Variants in ASPH observed in about 807,000 individuals in gnomAD.
ASPH encodes the protein aspartate beta-hydroxylase.
A neutral mutation model predicts 118.4 loss-of-function variants in ASPH; 100 were observed. That is an observed-to-expected ratio of 0.84 (90% confidence interval 0.72 to 1.00). The LOEUF (loss-of-function observed/expected upper bound fraction) is 1.00. ASPH is among the 50% of genes least tolerant of loss of function. The pLI is 0.00. For missense variants in ASPH, 920 were observed against 919.5 expected, an observed-to-expected ratio of 1.00 and a Z score of -0.01; for synonymous variants, 315 against 325.6, an observed-to-expected ratio of 0.97 and a Z score of 0.35.
At chr8:61,615,829 A>G (rs1848825270) in intron 14 of ASPH, among the ~76,000 whole-genome samples, 2 of 152,224 alleles carry the variant, frequency 1.3e-5, no homozygotes, top group South Asian at 2.1e-4. Flanking sequence ...TTATGAAACT[A>G]AAGTCTGATG....
chr8:61,572,550 AC>A (rs1833766145), intron 16 of ASPH, among the ~76,000 whole-genome samples: 1 of 152,134 alleles, frequency 6.6e-6, no homozygotes, highest in African/African-American at 2.4e-5. Context: ...AGCTGGCCGA[AC>A]CAAAAACTCA....
chr8:61,616,174 T>G (rs1160649017), intron 14 of ASPH, among the ~76,000 whole-genome samples: 1 of 152,148 alleles, frequency 6.6e-6, no homozygotes, highest in African/African-American at 2.4e-5. Context: ...GTTGCAATGA[T>G]TTTCTTTGCA....
chr8:61,504,645 C>T (rs1030258040), intron 24 of ASPH, among the ~76,000 whole-genome samples: 4 of 152,084 alleles, frequency 2.6e-5, no homozygotes, highest in Non-Finnish European at 4.4e-5. Context: ...AGATATTTAG[C>T]GGCACCCCTG....
In ASPH at chr8:61,621,574, T is replaced by C. The variant is rs77460154; in HGVS notation, c.935-2555A>G. Among the ~76,000 whole-genome samples, 377 of 152,332 alleles carry C rather than the reference T, an allele frequency of 2.5e-3. 2 individuals are homozygous for C. The highest frequency in any genetic ancestry group is 8.5e-3 in the African/African-American group (354 of 41,580). ...AGGAAAATGACTTGAGCACGTATTATATACAGGCATTGTTCTAAGCACTTA... is the reference window on the plus strand; with the variant it reads ...AGGAAAATGACTTGAGCACGTATTACATACAGGCATTGTTCTAAGCACTTA... On this transcript the variant is annotated intron_variant, in intron 13 of 24. Coordinates refer to ENST00000379454, the MANE Select transcript of ASPH (RefSeq NM_004318.4).
In ASPH at chr8:61,714,460, G is replaced by C; in HGVS notation, c.-89C>G. ...CGACGCGGGAACCGCTGGCGGCGGC[G>C]GGCCGCTGGAGCGGGTTCGGGCCGC... is the stretch of plus-strand genomic sequence containing the variant. On this transcript the variant is annotated 5_prime_UTR_variant, in exon 1 of 25. Transcript: ENST00000379454. 7.3e-7 allele frequency: 1 copy of C among 1,363,712 alleles called. No homozygotes were observed. The highest frequency in any genetic ancestry group is 9.4e-7 in the Non-Finnish European group (1 of 1,059,618). The allele number at this position is 1,363,712 out of a possible 1,614,324, so 84.5% of individuals were successfully genotyped here.
At chr8:61,582,501 TAA>T in intron 15 of ASPH, among the ~76,000 whole-genome samples, 1 of 152,358 alleles carries the variant, frequency 6.6e-6, no homozygotes, top group South Asian at 2.1e-4. Flanking sequence ...TTCATAAAGT[TAA>T]ACAAGACAGT....
chr8:61,674,667 T>G (rs1824363234), intron 3 of ASPH, among the ~76,000 whole-genome samples: 1 of 152,210 alleles, frequency 6.6e-6, no homozygotes, highest in Admixed American at 6.5e-5. Flanking sequence ...GACTTGAGGC[T>G]GCTACTTTCA....
chr8:61,646,391 T>C lies in ASPH; in HGVS notation c.619+359A>G, dbSNP rs1808005820. 2.6e-5 allele frequency among the ~76,000 whole-genome samples: 4 copies of C among 152,186 alleles called. No individual in the cohort carries two copies. The South Asian group carries it at 8.3e-4, about 31-fold the overall frequency. ...TGTTTTGCTCACTGTAATTACAGAG[T>C]TCATGTGTGAACATGAGCCTGTGAT... On this transcript the variant is annotated intron_variant, in intron 6 of 24. Transcript: ENST00000379454.
At chr8:61,579,584 C>A in intron 15 of ASPH, 1 of 1,522,070 alleles carries the variant, frequency 6.6e-7, no homozygotes, top group Non-Finnish European at 9.0e-7. Flanking sequence ...TCAGCCGCAC[C>A]AGTTCCTCCA....
chr8:61,679,470 T>C (rs1177312307), intron 3 of ASPH, among the ~76,000 whole-genome samples: 1 of 152,106 alleles, frequency 6.6e-6, no homozygotes, highest in Non-Finnish European at 1.5e-5. Flanking sequence ...AATAGTTTGC[T>C]ATAGAAATCA....
chr8:61,656,037 C>A (rs1813498506), intron 3 of ASPH: 1 of 152,086 alleles, frequency 6.6e-6, no homozygotes, highest in Non-Finnish European at 1.5e-5. Flanking sequence ...TTTTGCCACC[C>A]AAGCTCATTT....
intron 24 of ASPH, among the ~76,000 whole-genome samples, chr8:61,510,051 C>T (rs542781866): frequency 3.0e-4 from 45 of 152,252 alleles, no homozygotes; most frequent in African/African-American, 7.2e-4. Flanking sequence ...CTCCCTGGAA[C>T]GTAAGGACAG....
intron 22 of ASPH, among the ~76,000 whole-genome samples, chr8:61,524,629 T>C (rs912665482): frequency 1.4e-4 from 22 of 152,236 alleles, no homozygotes; most frequent in Non-Finnish European, 2.5e-4. Flanking sequence ...ATATTCCACC[T>C]ATGTGAAAAT....
chr8:61,555,282 ATTT>A (rs1245511543), intron 19 of ASPH, among the ~76,000 whole-genome samples: 2 of 151,824 alleles, frequency 1.3e-5, no homozygotes, highest in Non-Finnish European at 2.9e-5. Flanking sequence ...TATTTTATTT[ATTT>A]ATTTATTAAT....
At chr8:61,537,671 G>A (rs1476833141) in intron 21 of ASPH, among the ~76,000 whole-genome samples, 1 of 152,150 alleles carries the variant, frequency 6.6e-6, no homozygotes, top group South Asian at 2.1e-4. Flanking sequence ...ATCTATCTGT[G>A]TAGCATATTG....
rs1030121361 is a variant in ASPH, at chr8:61,624,941, C to T, written c.935-5922G>A. 66 of 984,876 alleles carry T rather than the reference C, an allele frequency of 6.7e-5. No homozygotes were observed. The African/African-American group carries it at 8.4e-4, about 13-fold the overall frequency. The allele number at this position is 984,876 out of a possible 1,614,324, so 61.0% of individuals were successfully genotyped here. ...TATTATTTCAGGTTTCATTACACAT[C>T]GAGTACCCATGCAGGACTCACTACA... On this transcript the variant is annotated intron_variant, in intron 13 of 24. Coordinates refer to ENST00000379454, the MANE Select transcript of ASPH (RefSeq NM_004318.4).
intron 10 of ASPH, among the ~76,000 whole-genome samples, chr8:61,642,323 A>G (rs1212201906): frequency 6.6e-6 from 1 of 152,236 alleles, no homozygotes; most frequent in Non-Finnish European, 1.5e-5. Flanking sequence ...ACAACTATAA[A>G]GTACTGAGAT....
intron 13 of ASPH, among the ~76,000 whole-genome samples, chr8:61,631,014 T>TA (rs1010876802): frequency 6.6e-6 from 1 of 152,076 alleles, no homozygotes; most frequent in African/African-American, 2.4e-5. Flanking sequence ...CTTAGTTTTT[T>TA]ACAAAAAAGT....
Position 61,574,160 on chromosome 8 carries a change from G to A in ASPH, c.1149+2612C>T, listed in dbSNP as rs533587048. Among the ~76,000 whole-genome samples the A allele has an allele frequency of 4.6e-5, 7 of 152,228 alleles. No homozygotes were observed. The East Asian group carries it at 1.2e-3, about 25-fold the overall frequency. ...AAACCAGAATGAGATACCATCTCAC[G>A]CCAGTTAGAATGGCGATCATTAAAA... On this transcript the variant is annotated intron_variant, in intron 16 of 24. Transcript: ENST00000379454.
Sources: gnomAD v4.1 joint callset for allele counts (sites outside exome capture counted in the v4.1 genomes callset) on GRCh38, gnomAD v4.1.1 for gene constraint, MANE v1.5 for transcripts, NCBI Gene and HGNC (gene_info 2026-07-23, HGNC 2026-07-21) for gene names.